Variants in AGBL1 observed in about 807,000 individuals in gnomAD.
AGBL1 encodes cytosolic carboxypeptidase 4.
AGBL1 carries 130 observed loss-of-function variants against 118.9 expected under a neutral mutation model. That is an observed-to-expected ratio of 1.09 (90% CI 0.95 to 1.26). The LOEUF (loss-of-function observed/expected upper bound fraction) is 1.26. AGBL1 is among the 50% of genes most tolerant of loss of function. The pLI, the probability that AGBL1 is intolerant of heterozygous loss-of-function variation, is 0.00. For missense variants in AGBL1, 1,584 were observed against 1,298.1 expected (o/e 1.22, Z -3.38); for synonymous variants, 555 against 478.9 (o/e 1.16, Z -2.08).
rs1595980839 is a variant in AGBL1 at position 86,333,085 on chromosome 15, G to T, written c.2374+37677G>T. 4.6e-5 allele frequency among the ~76,000 whole-genome samples: 7 copies of T among 152,196 alleles called. 1 individual carries two copies. The highest frequency in any genetic ancestry group is 3.9e-4 in the Admixed American group (6 of 15,296). Reference sequence around the variant, plus strand: ...TAGTGCTAAATACCTACCTCAAAAAGTTAGAAATATCCCCTATTAATGATC... The same window carrying T: ...TAGTGCTAAATACCTACCTCAAAAATTTAGAAATATCCCCTATTAATGATC... On this transcript the variant is annotated intron_variant, in intron 17 of 22. Coordinates refer to ENST00000614907, the MANE Select transcript of AGBL1 (RefSeq NM_001386094.1).
At chr15:86,809,355 A>C (rs1011655689) in intron 22 of AGBL1, among the ~76,000 whole-genome samples, 7 of 152,204 alleles carry the variant, frequency 4.6e-5, no homozygotes, top group African/African-American at 1.4e-4. Context: ...TTCTACCCTC[A>C]AAAGCCCCTG....
intron 24 of AGBL1, among the ~76,000 whole-genome samples, chr15:87,002,929 G>C (rs1023002218): frequency 6.6e-6 from 1 of 152,110 alleles, no homozygotes; most frequent in African/African-American, 2.4e-5. Context: ...TGCAAACAGG[G>C]ACAATTTGAC....
rs150970642 is a variant in AGBL1 at position 86,732,150 on chromosome 15, T to C, written c.3158+57714T>C. 1.6e-3 allele frequency among the ~76,000 whole-genome samples: 243 copies of C among 152,374 alleles called. 3 individuals carry two copies. The highest frequency in any genetic ancestry group is 5.5e-3 in the African/African-American group (229 of 41,592). ...GACAGTAAATAGCAGAGCAACATTT[T>C]GAATGCAGGCAGTAGGGCTCTAGAG... is the stretch of plus-strand genomic sequence containing the variant. On this transcript the variant is annotated intron_variant, in intron 22 of 22. Transcript: ENST00000614907.
chr15:86,688,469 C>G (rs530707480), intron 22 of AGBL1, among the ~76,000 whole-genome samples: 6 of 152,220 alleles, frequency 3.9e-5, no homozygotes, highest in African/African-American at 1.4e-4. Flanking sequence ...TTTGAGGAGG[C>G]TTATTTGCAA....
At chr15:86,533,550 G>A (rs1334143522) in intron 19 of AGBL1, among the ~76,000 whole-genome samples, 1 of 130,946 alleles carries the variant, frequency 7.6e-6, no homozygotes, top group African/African-American at 3.3e-5. Context: ...GGAAGTCAGT[G>A]TGGCGATTCC....
At chr15:86,375,429 AC>A (rs148784536) in intron 17 of AGBL1, among the ~76,000 whole-genome samples, 1 of 150,936 alleles carries the variant, frequency 6.6e-6, no homozygotes, top group South Asian at 2.1e-4. Flanking sequence ...TGATCCAGTC[AC>A]CCCCCCACCA....
At chr15:86,822,335 T>C (rs1043066653) in intron 22 of AGBL1, among the ~76,000 whole-genome samples, 1 of 152,178 alleles carries the variant, frequency 6.6e-6, no homozygotes. Flanking sequence ...AAATTCCTGC[T>C]TCTCTGATAT....
intron 18 of AGBL1, among the ~76,000 whole-genome samples, chr15:86,402,737 G>A (rs922876652): frequency 3.3e-5 from 5 of 152,144 alleles, no homozygotes; most frequent in Non-Finnish European, 7.4e-5. Flanking sequence ...GCTTCTGAGA[G>A]TGCCTGATAG....
At chr15:86,767,819 A>G (rs1158046091) in intron 22 of AGBL1, among the ~76,000 whole-genome samples, 1 of 152,010 alleles carries the variant, frequency 6.6e-6, no homozygotes, top group Admixed American at 6.6e-5. Flanking sequence ...AGCATTCTGT[A>G]AAGCATGCCA....
intron 21 of AGBL1, among the ~76,000 whole-genome samples, chr15:86,639,822 A>C (rs1368498697): frequency 6.6e-6 from 1 of 152,156 alleles, no homozygotes; most frequent in African/African-American, 2.4e-5. Context: ...AAACCCATGT[A>C]TATTAATATT....
At chr15:86,554,242 G>C in intron 20 of AGBL1, 119 bp from the exon 21 acceptor site, 2 of 872,402 alleles carry the variant, frequency 2.3e-6, no homozygotes, top group Non-Finnish European at 3.4e-6. Context: ...GTTAATAAAT[G>C]ATTTAAAGTA....
intron 23 of AGBL1, among the ~76,000 whole-genome samples, chr15:86,986,836 G>A (rs935093937): frequency 2.1e-4 from 32 of 152,282 alleles, no homozygotes; most frequent in African/African-American, 7.2e-4. Context: ...CCACCAAACA[G>A]GCTTTGTGTG....
intron 22 of AGBL1, among the ~76,000 whole-genome samples, chr15:86,760,550 T>G (rs970978348): frequency 6.6e-6 from 1 of 151,992 alleles, no homozygotes; most frequent in Non-Finnish European, 1.5e-5. Flanking sequence ...TGCTTCCTGC[T>G]CCTGTGAATG....
At position 86,533,871 on chromosome 15, in the gene AGBL1, C is replaced by G. The variant is rs1369505820; in HGVS notation, c.2685+10932C>G. ...GTAAACTATCGCAAGAACAAAAAACCAAACACCGCATATTCTCACTCATAG... is the reference window on the plus strand; with the variant it reads ...GTAAACTATCGCAAGAACAAAAAACGAAACACCGCATATTCTCACTCATAG... On this transcript the variant is annotated intron_variant, in intron 19 of 22. Coordinates refer to ENST00000614907, the MANE Select transcript of AGBL1 (RefSeq NM_001386094.1). 1.3e-4 allele frequency among the ~76,000 whole-genome samples: 11 copies of G among 87,222 alleles called. No homozygotes were observed. The East Asian group carries it at 3.5e-3, about 28-fold the overall frequency. The allele number at this position is 87,222 out of a possible 152,430, so 57.2% of individuals were successfully genotyped here.
chr15:86,706,872 C>A (rs2086458342), intron 22 of AGBL1, among the ~76,000 whole-genome samples: 4 of 152,104 alleles, frequency 2.6e-5, no homozygotes, highest in Non-Finnish European at 5.9e-5. Context: ...ACCTAGCTTA[C>A]TTCAGTTTTC....
chr15:86,982,292 T>C (rs555725126), intron 23 of AGBL1, among the ~76,000 whole-genome samples: 5 of 152,306 alleles, frequency 3.3e-5, no homozygotes, highest in African/African-American at 1.2e-4. Context: ...TTTTCACCCA[T>C]AATTATGTTT....
At chr15:86,485,382 T>C (rs1204288928) in intron 18 of AGBL1, among the ~76,000 whole-genome samples, 2 of 110,662 alleles carry the variant, frequency 1.8e-5, no homozygotes, top group African/African-American at 8.2e-5. Flanking sequence ...TGCTTATATA[T>C]GAACAACTAT....
intron 1 of AGBL1, among the ~76,000 whole-genome samples, chr15:86,097,704 C>A (rs1896469031): frequency 6.6e-6 from 1 of 151,930 alleles, no homozygotes; most frequent in East Asian, 1.9e-4. Flanking sequence ...TGTATATATG[C>A]CACATTTTCT....
chr15:86,232,789 G>A (rs527283566), intron 6 of AGBL1, among the ~76,000 whole-genome samples: 18 of 152,250 alleles, frequency 1.2e-4, no homozygotes, highest in African/African-American at 4.3e-4. Context: ...AAAACACCAT[G>A]TAAGGACAAT....
Sources: gnomAD v4.1 joint callset for allele counts (sites outside exome capture counted in the v4.1 genomes callset) on GRCh38, gnomAD v4.1.1 for gene constraint, MANE v1.5 for transcripts, NCBI Gene and HGNC (gene_info 2026-07-23, HGNC 2026-07-21) for gene names.